EPHA6: variants seen among roughly 807,000 people sequenced by gnomAD.
EPHA6 encodes the protein EPH receptor A6, also known as ephrin type-A receptor 6.
A neutral mutation model predicts 112.0 loss-of-function variants in EPHA6; 50 were observed. That is an observed-to-expected ratio of 0.45 (90% CI 0.36 to 0.56). The LOEUF (loss-of-function observed/expected upper bound fraction) is 0.56. Among genes scored for constraint, EPHA6 ranks in the 20% least tolerant of loss-of-function variants. The pLI is 0.00. For missense variants in EPHA6, 1,280 were observed against 1,417.4 expected (o/e 0.90, Z 1.56); for synonymous variants, 529 against 490.7 (o/e 1.08, Z -1.03).
chr3:97,636,033 T>C (rs1207697179), intron 13 of EPHA6, among the ~76,000 whole-genome samples: 1 of 152,050 alleles, frequency 6.6e-6, no homozygotes, highest in Non-Finnish European at 1.5e-5. Flanking sequence ...CTAACTATTA[T>C]TAAATTAAGT....
chr3:97,664,043 G>GGT (rs1410199685), intron 14 of EPHA6, among the ~76,000 whole-genome samples: 2 of 152,164 alleles, frequency 1.3e-5, no homozygotes, highest in Admixed American at 6.5e-5. Flanking sequence ...GGTGTGAGAT[G>GGT]GTGTCTCATT....
intron 5 of EPHA6, among the ~76,000 whole-genome samples, chr3:97,363,826 A>C (rs2084548886): frequency 6.6e-6 from 1 of 152,136 alleles, no homozygotes; most frequent in Non-Finnish European, 1.5e-5. Context: ...ACATCCTTAA[A>C]ACAGAAGGAA....
intron 3 of EPHA6, among the ~76,000 whole-genome samples, chr3:97,101,400 GTGTC>G (rs1559728985): frequency 6.6e-6 from 1 of 151,924 alleles, no homozygotes; most frequent in Non-Finnish European, 1.5e-5. Flanking sequence ...TGTTGTTTGT[GTGTC>G]TGTGTGGCCA....
In EPHA6 at chr3:97,037,735, G is replaced by A. The variant is rs556479020; in HGVS notation, c.1114+49742G>A. Among the ~76,000 whole-genome samples, 183 of 152,122 alleles carry A rather than the reference G, an allele frequency of 1.2e-3. 1 individual carries two copies. Among genetic ancestry groups the A allele is most frequent in the African/African-American group, 4.2e-3 (173 of 41,520 alleles). On this transcript the variant is annotated intron_variant, in intron 3 of 17. Transcript: ENST00000389672. ...TCTGTTGTCACATACTGGTTGACAC[G>A]TCATACTGGACAGAATAAAGGCAGT...
intron 1 of EPHA6, among the ~76,000 whole-genome samples, chr3:96,843,493 T>TA (rs1185880084): frequency 6.6e-6 from 1 of 151,104 alleles, no homozygotes; most frequent in African/African-American, 2.5e-5. Context: ...TTAGCTTAGG[T>TA]TAGTTAGGAA....
chr3:97,380,793 A>G (rs1476128372), intron 5 of EPHA6, among the ~76,000 whole-genome samples: 2 of 152,114 alleles, frequency 1.3e-5, no homozygotes, highest in African/African-American at 4.8e-5. Flanking sequence ...AATAGTGAAA[A>G]ACTTTTAATT....
intron 11 of EPHA6, among the ~76,000 whole-genome samples, chr3:97,558,349 G>C (rs935607395): frequency 6.6e-6 from 1 of 152,006 alleles, no homozygotes; most frequent in Non-Finnish European, 1.5e-5. Context: ...TCCAAAGACA[G>C]TCTCAGGATT....
chr3:97,525,926 T>A (rs2092613082), intron 10 of EPHA6, among the ~76,000 whole-genome samples: 1 of 152,182 alleles, frequency 6.6e-6, no homozygotes, highest in Non-Finnish European at 1.5e-5. Flanking sequence ...TGGCTTCCGC[T>A]GGGTCACTGG....
intron 5 of EPHA6, among the ~76,000 whole-genome samples, chr3:97,269,472 T>C (rs769275078): frequency 2.0e-5 from 3 of 152,202 alleles, no homozygotes; most frequent in Non-Finnish European, 4.4e-5. Flanking sequence ...TTCTTACACC[T>C]GGGGTGGACC....
chr3:97,559,568 C>T, intron 11 of EPHA6: 1 of 453,526 alleles, frequency 2.2e-6, no homozygotes, highest in Non-Finnish European at 4.4e-6. Flanking sequence ...GCCTACCCTA[C>T]TCACTTCTTT....
intron 3 of EPHA6, among the ~76,000 whole-genome samples, chr3:97,107,111 C>G (rs367768283): frequency 3.3e-4 from 50 of 152,186 alleles, no homozygotes; most frequent in African/African-American, 1.2e-3. Context: ...ACTATTACTA[C>G]TTTGCAGGTT....
At chr3:97,027,205 G>T (rs551805226) in intron 3 of EPHA6, among the ~76,000 whole-genome samples, 1 of 152,174 alleles carries the variant, frequency 6.6e-6, no homozygotes, top group African/African-American at 2.4e-5. Flanking sequence ...ACTAAATACC[G>T]CATGTTCTCA....
rs115964895 is a variant in EPHA6 at position 97,618,877 on chromosome 3, A to G, written c.2574+8023A>G. On this transcript the variant is annotated intron_variant, in intron 13 of 17. Coordinates refer to ENST00000389672, the MANE Select transcript of EPHA6 (RefSeq NM_001080448.3). ...ATTCCTACTGAAACAATACTAAAAA[A>G]ATTGAAAAGGAAGGACTCCACCATA... Among the ~76,000 whole-genome samples, 983 of 152,242 alleles carry G rather than the reference A, an allele frequency of 6.5e-3. 14 individuals are homozygous for G. The highest frequency in any genetic ancestry group is 0.022 in the African/African-American group (919 of 41,554).
At chr3:97,611,770 T>A (rs1266521328) in intron 13 of EPHA6, among the ~76,000 whole-genome samples, 1 of 151,968 alleles carries the variant, frequency 6.6e-6, no homozygotes, top group Non-Finnish European at 1.5e-5. Context: ...TTTTCTTCTT[T>A]ATTTTCATGT....
chr3:97,430,966 G>A (rs1006764359), intron 6 of EPHA6, among the ~76,000 whole-genome samples: 18 of 151,866 alleles, frequency 1.2e-4, no homozygotes, highest in African/African-American at 3.9e-4. Flanking sequence ...TGTAGAATCC[G>A]TACTGATTCT....
At chr3:96,911,564 T>G (rs1290466224) in intron 2 of EPHA6, among the ~76,000 whole-genome samples, 3 of 151,994 alleles carry the variant, frequency 2.0e-5, no homozygotes, top group Non-Finnish European at 2.9e-5. Flanking sequence ...ACTGTAATTT[T>G]AAAGCAAAAA....
chr3:96,820,194 A>G (rs940622357), intron 1 of EPHA6, among the ~76,000 whole-genome samples: 2 of 152,120 alleles, frequency 1.3e-5, no homozygotes, highest in African/African-American at 4.8e-5. Context: ...AGTCTGAAAG[A>G]TAGTCGGGAA....
At chr3:96,876,430 TC>T (rs1316078743) in intron 2 of EPHA6, among the ~76,000 whole-genome samples, 3 of 151,512 alleles carry the variant, frequency 2.0e-5, no homozygotes, top group South Asian at 4.2e-4. Context: ...CATAGTTGCA[TC>T]CTAGATTGTT....
At chr3:97,537,102 A>C (rs1001914189) in intron 11 of EPHA6, among the ~76,000 whole-genome samples, 4 of 152,196 alleles carry the variant, frequency 2.6e-5, no homozygotes, top group Admixed American at 6.5e-5. Context: ...AGAAAAAAAC[A>C]GTGCCTTTGA....
Sources: gnomAD v4.1 joint callset for allele counts (sites outside exome capture counted in the v4.1 genomes callset) on GRCh38, gnomAD v4.1.1 for gene constraint, MANE v1.5 for transcripts, NCBI Gene and HGNC (gene_info 2026-07-23, HGNC 2026-07-21) for gene names.